The following NAALADL2 variants were observed in gnomAD, a reference collection of about 807,000 sequenced individuals.
NAALADL2 encodes the protein inactive N-acetylated-alpha-linked acidic dipeptidase-like protein 2.
NAALADL2 carries 76 observed loss-of-function variants against 87.2 expected under a neutral mutation model. The observed-to-expected ratio is 0.87, with a 90% confidence interval of 0.72 to 1.05. The LOEUF (loss-of-function observed/expected upper bound fraction) is 1.05, where lower values mean the gene tolerates loss of function less well. NAALADL2 is among the 50% of genes least tolerant of loss of function. The probability of loss-of-function intolerance (pLI) is 0.00; values close to 1 mark genes in which losing one functional copy is unlikely to be tolerated. For missense variants in NAALADL2, 1,089 were observed against 945.8 expected (o/e 1.15, Z -1.99); for synonymous variants, 354 against 331.0 (o/e 1.07, Z -0.75).
intron 2 of NAALADL2, among the ~76,000 whole-genome samples, chr3:174,710,079 C>T (rs1441220600): frequency 3.9e-5 from 6 of 152,026 alleles, no homozygotes; most frequent in African/African-American, 1.4e-4. Context: ...GATTCTTAGT[C>T]CTCGGTGTAT....
chr3:174,893,410 C>G (rs1731108287), intron 1 of NAALADL2, among the ~76,000 whole-genome samples: 1 of 151,666 alleles, frequency 6.6e-6, no homozygotes, highest in Non-Finnish European at 1.5e-5. Context: ...TATGATAACA[C>G]TGTAGCTGTG....
intron 6 of NAALADL2, 120 bp from the exon 7 acceptor site, chr3:175,463,281 T>G: frequency 3.3e-6 from 2 of 610,192 alleles, no homozygotes; most frequent in South Asian, 4.6e-5. Flanking sequence ...ACTGGCTATC[T>G]GAGAACATTC....
intron 2 of NAALADL2, among the ~76,000 whole-genome samples, chr3:174,598,070 CT>C (rs1475730985): frequency 1.3e-5 from 2 of 152,042 alleles, no homozygotes; most frequent in Non-Finnish European, 2.9e-5. Flanking sequence ...TGCCAGTTAG[CT>C]TTCAATAACC....
At chr3:175,754,568 T>C (rs1747015465) in intron 12 of NAALADL2, among the ~76,000 whole-genome samples, 1 of 152,134 alleles carries the variant, frequency 6.6e-6, no homozygotes, top group African/African-American at 2.4e-5. Flanking sequence ...ACATTTCTAG[T>C]AAAGAAAAAA....
chr3:174,958,719 A>G (rs1203384163), intron 1 of NAALADL2, among the ~76,000 whole-genome samples: 2 of 152,080 alleles, frequency 1.3e-5, no homozygotes, highest in Non-Finnish European at 2.9e-5. Context: ...ATAGGTTAAT[A>G]CATTTGTTGA....
intron 9 of NAALADL2, among the ~76,000 whole-genome samples, chr3:175,532,151 G>A (rs1259397333): frequency 6.6e-6 from 1 of 152,104 alleles, no homozygotes; most frequent in Non-Finnish European, 1.5e-5. Context: ...CCCACTGTAA[G>A]TCACACCTGA....
At chr3:175,229,453 C>G (rs940932470) in intron 2 of NAALADL2, among the ~76,000 whole-genome samples, 1 of 151,952 alleles carries the variant, frequency 6.6e-6, no homozygotes, top group Non-Finnish European at 1.5e-5. Flanking sequence ...TGACCATTAT[C>G]TTAATTTGTT....
chr3:174,999,564 T>C (rs1414540043), intron 1 of NAALADL2, among the ~76,000 whole-genome samples: 1 of 152,170 alleles, frequency 6.6e-6, no homozygotes, highest in Non-Finnish European at 1.5e-5. Flanking sequence ...GTCCACATTA[T>C]TCTCTGATAT....
intron 11 of NAALADL2, among the ~76,000 whole-genome samples, chr3:175,668,292 C>A (rs919328931): frequency 6.6e-6 from 1 of 152,106 alleles, no homozygotes; most frequent in Non-Finnish European, 1.5e-5. Flanking sequence ...AGAAGGAGAA[C>A]AATTGTGGCA....
At chr3:175,088,132 A>C (rs1054118693) in intron 1 of NAALADL2, among the ~76,000 whole-genome samples, 8 of 152,142 alleles carry the variant, frequency 5.3e-5, no homozygotes, top group African/African-American at 1.4e-4. Context: ...TTAATCTAGA[A>C]CTGAATCGTA....
intron 4 of NAALADL2, chr3:175,257,215 T>C (rs77213443): frequency 7.0e-6 from 1 of 142,616 alleles, no homozygotes; most frequent in Non-Finnish European, 1.5e-5. Context: ...AAAAAAAAAT[T>C]AGTGTAGTTA....
chr3:174,995,365 A>G (rs1292067226), intron 1 of NAALADL2, among the ~76,000 whole-genome samples: 1 of 152,162 alleles, frequency 6.6e-6, no homozygotes, highest in Non-Finnish European at 1.5e-5. Flanking sequence ...ATTAATTTAA[A>G]AAATTTAAAA....
At chr3:174,949,240 C>T (rs1276780697) in intron 1 of NAALADL2, among the ~76,000 whole-genome samples, 7 of 152,168 alleles carry the variant, frequency 4.6e-5, no homozygotes, top group African/African-American at 1.4e-4. Context: ...ACCCATAGCC[C>T]TTCAAATGGG....
intron 3 of NAALADL2, among the ~76,000 whole-genome samples, chr3:175,254,837 G>T (rs1427034479): frequency 1.3e-5 from 2 of 152,010 alleles, no homozygotes; most frequent in Non-Finnish European, 2.9e-5. Flanking sequence ...TTTTTAATAG[G>T]AATAAAATTA....
At chr3:175,659,183 A>G (rs182981763) in intron 11 of NAALADL2, among the ~76,000 whole-genome samples, 227 of 152,322 alleles carry the variant, frequency 1.5e-3, no homozygotes, top group African/African-American at 5.3e-3. Context: ...CAAAAACTCA[A>G]TACATGTTAG....
chr3:174,809,661 C>A (rs1036774021), intron 3 of NAALADL2, among the ~76,000 whole-genome samples: 9 of 149,152 alleles, frequency 6.0e-5, no homozygotes, highest in Admixed American at 5.4e-4. Flanking sequence ...TTTTTTTTTA[C>A]TACATAGTAA....
intron 1 of NAALADL2, among the ~76,000 whole-genome samples, chr3:174,884,700 G>A (rs796618456): frequency 3.3e-5 from 5 of 152,194 alleles, no homozygotes; most frequent in African/African-American, 9.6e-5. Flanking sequence ...ATCCAACTCC[G>A]TATTTCTTCA....
At chr3:175,163,117 G>T (rs1411630672) in intron 2 of NAALADL2, among the ~76,000 whole-genome samples, 1 of 152,148 alleles carries the variant, frequency 6.6e-6, no homozygotes, top group Middle Eastern at 3.4e-3. Flanking sequence ...GTTCAAAGAG[G>T]CAAGCAAAAA....
At chr3:175,177,229 C>G (rs1302062462) in intron 2 of NAALADL2, among the ~76,000 whole-genome samples, 1 of 152,030 alleles carries the variant, frequency 6.6e-6, no homozygotes, top group African/African-American at 2.4e-5. Context: ...TATACCTGTC[C>G]CCTACCCCAT....
Sources: allele counts gnomAD v4.1 joint callset (sites outside exome capture counted in the v4.1 genomes callset), GRCh38; gene constraint gnomAD v4.1.1; transcripts MANE v1.5; gene names NCBI Gene and HGNC (gene_info 2026-07-23, HGNC 2026-07-21).